ZFHX3: variants seen among roughly 807,000 people sequenced by gnomAD.
ZFHX3 encodes the protein zinc finger homeobox 3, also known as zinc finger homeobox protein 3.
ZFHX3 carries 42 observed loss-of-function variants against 279.1 expected under a neutral mutation model. That is an observed-to-expected ratio of 0.15 (90% CI 0.12 to 0.19). The LOEUF is 0.19. Among genes scored for constraint, ZFHX3 ranks in the 10% least tolerant of loss-of-function variants. ZFHX3 has a pLI of 1.00. For missense variants in ZFHX3, 4,981 were observed against 4,754.0 expected (o/e 1.05, Z -1.40); for synonymous variants, 2,293 against 1,957.8 (o/e 1.17, Z -4.52).
intron 4 of ZFHX3, among the ~76,000 whole-genome samples, chr16:73,312,582 C>A (rs1472950965): frequency 1.3e-5 from 2 of 152,150 alleles, no homozygotes; most frequent in Non-Finnish European, 2.9e-5. Context: ...AATGCATGAG[C>A]AAATGCAGAG....
chr16:73,597,879 A>G (rs896665391), intron 2 of ZFHX3, among the ~76,000 whole-genome samples: 11 of 152,362 alleles, frequency 7.2e-5, no homozygotes, highest in African/African-American at 2.6e-4. Flanking sequence ...ACTGGAGTTC[A>G]GTATAGCCCT....
At chr16:73,074,792 C>A (rs748847164) in intron 8 of ZFHX3, among the ~76,000 whole-genome samples, 8 of 150,092 alleles carry the variant, frequency 5.3e-5, no homozygotes, top group Non-Finnish European at 1.2e-4. Context: ...TTTTCTTTTT[C>A]TTTTCTTTTC....
chr16:73,317,242 T>G (rs1344228871), intron 4 of ZFHX3, among the ~76,000 whole-genome samples: 1 of 146,854 alleles, frequency 6.8e-6, no homozygotes, highest in Non-Finnish European at 1.5e-5. Flanking sequence ...GACTTCCATG[T>G]TCCAGGGCCG....
intron 8 of ZFHX3, 55 bp from the exon 9 acceptor site, chr16:72,798,769 G>A: frequency 1.3e-6 from 2 of 1,504,002 alleles, no homozygotes; most frequent in Non-Finnish European, 8.8e-7. Flanking sequence ...TTTGTTTCAA[G>A]GATGGCACCC....
chr16:73,682,906 G>GAA (rs1323501382), intron 1 of ZFHX3, among the ~76,000 whole-genome samples: 788 of 28,658 alleles, frequency 0.027, 74 homozygotes, highest in East Asian at 0.12. Context: ...AAGAAAGAAA[G>GAA]AGAAAGAAAG....
At chr16:73,234,548 CG>C (rs1441791990) in intron 5 of ZFHX3, among the ~76,000 whole-genome samples, 4 of 152,140 alleles carry the variant, frequency 2.6e-5, no homozygotes, top group Non-Finnish European at 5.9e-5. Flanking sequence ...GCCAGGCGGG[CG>C]GGGATTGCTT....
chr16:73,106,732 G>T (rs1358386985), intron 7 of ZFHX3, among the ~76,000 whole-genome samples: 2 of 152,196 alleles, frequency 1.3e-5, no homozygotes, highest in Non-Finnish European at 2.9e-5. Context: ...TGGAAGCCCT[G>T]CCTTAGAAAG....
intron 8 of ZFHX3, among the ~76,000 whole-genome samples, chr16:73,083,665 G>A (rs143553779): frequency 3.9e-5 from 6 of 152,244 alleles, no homozygotes; most frequent in African/African-American, 1.4e-4. Context: ...GAGTACCTGG[G>A]ACTACAGGTG....
Position 72,796,313 on chromosome 16 carries a change from A to G in ZFHX3, c.6369T>C (p.Pro2123=). Reference sequence around the variant, plus strand: ...AGAGTTGGGCCAGGTCCGCAGGCAGAGGCTCCACAGGTCCCAGCTGCGGGG... The same window carrying G: ...AGAGTTGGGCCAGGTCCGCAGGCAGGGGCTCCACAGGTCCCAGCTGCGGGG... ...QLPPQLGPVE[P]LPADLAQLYQ... Residue 2123 remains proline (P), a synonymous_variant, in exon 9 of 10, where the codon CCT becomes CCC. Transcript: ENST00000268489. 6.2e-7 allele frequency: 1 copy of G among 1,614,098 alleles called. No homozygotes were observed. The highest frequency in any genetic ancestry group is 1.1e-5 in the South Asian group (1 of 91,068).
At chr16:73,667,625 C>G (rs946839846) in intron 2 of ZFHX3, among the ~76,000 whole-genome samples, 5 of 152,148 alleles carry the variant, frequency 3.3e-5, no homozygotes, top group African/African-American at 1.2e-4. Context: ...AGATACTGGT[C>G]CCTAATATTT....
chr16:73,644,132 G>C (rs1254141984), intron 2 of ZFHX3, among the ~76,000 whole-genome samples: 2 of 151,984 alleles, frequency 1.3e-5, no homozygotes, highest in African/African-American at 4.8e-5. Context: ...TGACCTAGGT[G>C]GTTCTGGAAT....
At chr16:72,936,408 G>C (rs759812508) in intron 3 of ZFHX3, among the ~76,000 whole-genome samples, 2 of 152,212 alleles carry the variant, frequency 1.3e-5, no homozygotes, top group Non-Finnish European at 2.9e-5. Flanking sequence ...CTAAATTAAT[G>C]AACAGACAAG....
chr16:73,403,549 AT>A (rs4011554), intron 3 of ZFHX3, among the ~76,000 whole-genome samples: 8 of 151,718 alleles, frequency 5.3e-5, no homozygotes, highest in East Asian at 1.9e-4. Context: ...GCCACATGCA[AT>A]TTTTTTTTAA....
chr16:73,046,137 C>A (rs1965292516), intron 1 of ZFHX3, among the ~76,000 whole-genome samples: 1 of 152,170 alleles, frequency 6.6e-6, no homozygotes, highest in Non-Finnish European at 1.5e-5. Flanking sequence ...AGGGTGCCTG[C>A]AGGGTCTCTG....
intron 3 of ZFHX3, among the ~76,000 whole-genome samples, chr16:73,323,693 C>T (rs761460440): frequency 7.9e-5 from 12 of 151,996 alleles, no homozygotes; most frequent in Non-Finnish European, 1.2e-4. Context: ...AAGGGGCTGA[C>T]GATCTAGGAA....
chr16:73,074,302 T>C (rs1245138558), intron 8 of ZFHX3, among the ~76,000 whole-genome samples: 1 of 152,222 alleles, frequency 6.6e-6, no homozygotes, highest in East Asian at 1.9e-4. Flanking sequence ...CAGCTCCTCA[T>C]ATTCAGCTCT....
At chr16:72,802,884 C>T (rs1351372139) in intron 7 of ZFHX3, among the ~76,000 whole-genome samples, 5 of 152,196 alleles carry the variant, frequency 3.3e-5, no homozygotes, top group African/African-American at 7.2e-5. Flanking sequence ...TCCTTCTGCT[C>T]ACTGAGGTGA....
chr16:73,170,815 G>A (rs1457006828), intron 5 of ZFHX3, among the ~76,000 whole-genome samples: 2 of 152,114 alleles, frequency 1.3e-5, no homozygotes, highest in Admixed American at 1.3e-4. Flanking sequence ...GTGTTGTCAT[G>A]GAAACCTGAA....
At chr16:73,078,609 G>C (rs1433632745) in intron 8 of ZFHX3, among the ~76,000 whole-genome samples, 2 of 151,652 alleles carry the variant, frequency 1.3e-5, no homozygotes, top group Non-Finnish European at 2.9e-5. Flanking sequence ...TGGATTGCTA[G>C]ACAGTGCTGG....
Sources: allele counts gnomAD v4.1 joint callset (sites outside exome capture counted in the v4.1 genomes callset), GRCh38; gene constraint gnomAD v4.1.1; transcripts MANE v1.5; gene names NCBI Gene and HGNC (gene_info 2026-07-23, HGNC 2026-07-21).